The following TBC1D32 variants were observed in gnomAD, a reference collection of about 807,000 sequenced individuals.
TBC1D32 encodes the protein TBC1 domain family member 32, also known as protein broad-minded.
Under a neutral mutation model 170.3 loss-of-function variants are expected in TBC1D32, and 151 were observed. That is an observed-to-expected ratio of 0.89 (90% CI 0.78 to 1.01). The LOEUF (loss-of-function observed/expected upper bound fraction) is 1.01, where lower values mean the gene tolerates loss of function less well. Ranked by LOEUF, TBC1D32 falls within the 50% of genes least tolerant of loss-of-function variation. The pLI, the probability that TBC1D32 is intolerant of heterozygous loss-of-function variation, is 0.00. For synonymous variants in TBC1D32, 498 were observed against 488.0 expected (o/e 1.02, Z -0.27); for missense variants, 1,464 against 1,457.1 (o/e 1.00, Z -0.08).
At chr6:121,282,767 C>T (rs1803208912) in intron 13 of TBC1D32, among the ~76,000 whole-genome samples, 1 of 151,464 alleles carries the variant, frequency 6.6e-6, no homozygotes, top group South Asian at 2.1e-4. Flanking sequence ...CATGGTAAAC[C>T]AATATATAAA....
At chr6:121,220,973 T>C (rs1030013484) in intron 21 of TBC1D32, among the ~76,000 whole-genome samples, 2 of 149,330 alleles carry the variant, frequency 1.3e-5, no homozygotes, top group African/African-American at 4.9e-5. Context: ...AACAGCCTTA[T>C]ATTGGAAGAA....
chr6:121,310,832 G>A lies in TBC1D32; in HGVS notation c.511C>T (p.Gln171Ter). The change falls in exon 4 of 32, where the codon CAA (glutamine) becomes TAA (stop). Residue 171 changes from glutamine (Q) to a stop codon, truncating the protein, a stop_gained. Transcript: ENST00000398212. LOFTEE classifies it high-confidence loss of function. ...TCTAAAATCAATTGTAATTTTCCTT[G>A]ACAAAATTTGTAACTCTGTAACACA... ...SSLNQSYKFC[Q>*]GKLQLILDQL... is the part of the protein sequence containing the mutation. 1 of 1,585,160 alleles carries A rather than the reference G, an allele frequency of 6.3e-7. No individual in the cohort carries two copies. Among genetic ancestry groups the A allele is most frequent in the Non-Finnish European group, 8.6e-7 (1 of 1,159,328 alleles).
At chr6:121,143,880 G>A (rs1006041198) in intron 24 of TBC1D32, among the ~76,000 whole-genome samples, 2 of 151,832 alleles carry the variant, frequency 1.3e-5, no homozygotes, top group African/African-American at 4.8e-5. Context: ...AAATGAAGCT[G>A]GACATGCTTC....
intron 17 of TBC1D32, among the ~76,000 whole-genome samples, chr6:121,248,227 T>C (rs1486876443): frequency 6.6e-6 from 1 of 151,822 alleles, no homozygotes; most frequent in Non-Finnish European, 1.5e-5. Flanking sequence ...ATTTATAGTT[T>C]AACAAAATCA....
chr6:121,273,248 T>TA (rs2128429537), intron 15 of TBC1D32, among the ~76,000 whole-genome samples: 1 of 149,936 alleles, frequency 6.7e-6, no homozygotes, highest in East Asian at 2.0e-4. Context: ...CCCTAGAACT[T>TA]AAAGTATAAT....
intron 3 of TBC1D32, among the ~76,000 whole-genome samples, chr6:121,311,201 T>C (rs1468338705): frequency 6.6e-6 from 1 of 152,158 alleles, no homozygotes; most frequent in Non-Finnish European, 1.5e-5. Context: ...GAGCTACCAA[T>C]AGTACCCTAG....
intron 22 of TBC1D32, among the ~76,000 whole-genome samples, chr6:121,176,691 C>A (rs1243223202): frequency 1.3e-5 from 2 of 152,012 alleles, no homozygotes; most frequent in Non-Finnish European, 2.9e-5. Context: ...CTCCACCTCC[C>A]AGGTTTAAGC....
At chr6:121,258,224 T>C (rs1399183646) in intron 15 of TBC1D32, among the ~76,000 whole-genome samples, 1 of 152,190 alleles carries the variant, frequency 6.6e-6, no homozygotes, top group Admixed American at 6.5e-5. Context: ...AACAGCAATA[T>C]TACTTCTAAA....
Position 121,310,964 on chromosome 6 carries a change from T to C in TBC1D32, c.496-117A>G, listed in dbSNP as rs987349813. 6.0e-6 allele frequency: 4 copies of C among 661,478 alleles called. No individual in the cohort carries two copies. In the South Asian group the frequency reaches 7.7e-5, roughly 13 times the overall value. 41.0% of individuals were successfully genotyped at this position (661,478 alleles called of 1,614,324 possible). Reference sequence around the variant, plus strand: ...ACACAATCCAGACAAGAGAAGGAGATGATCTATTTTGATTTGGCAGCAACT... The same window carrying C: ...ACACAATCCAGACAAGAGAAGGAGACGATCTATTTTGATTTGGCAGCAACT... On this transcript the variant is annotated intron_variant, in intron 3 of 31. Coordinates refer to ENST00000398212, the MANE Select transcript of TBC1D32 (RefSeq NM_152730.6).
At chr6:121,271,003 A>T (rs1020258319) in intron 15 of TBC1D32, among the ~76,000 whole-genome samples, 5 of 152,212 alleles carry the variant, frequency 3.3e-5, no homozygotes, top group Admixed American at 1.3e-4. Context: ...AGAACCAAAG[A>T]CAAAAACCAC....
chr6:121,196,206 G>A (rs994881801), intron 22 of TBC1D32, among the ~76,000 whole-genome samples: 4 of 152,154 alleles, frequency 2.6e-5, no homozygotes, highest in Admixed American at 1.3e-4. Context: ...ATCACCCAAC[G>A]GGCCCATGAA....
chr6:121,119,288 T>C (rs1780020065), intron 26 of TBC1D32, among the ~76,000 whole-genome samples: 1 of 152,184 alleles, frequency 6.6e-6, no homozygotes, highest in African/African-American at 2.4e-5. Context: ...TAGGTATATG[T>C]CCTATTTTTC....
chr6:121,262,307 A>G (rs1799865425), intron 15 of TBC1D32, among the ~76,000 whole-genome samples: 1 of 152,132 alleles, frequency 6.6e-6, no homozygotes, highest in African/African-American at 2.4e-5. Context: ...GAGAAGATCA[A>G]CCACAAGACA....
At position 121,170,435 on chromosome 6, in the gene TBC1D32, T is replaced by C. The variant is rs539448632; in HGVS notation, c.2571-9379A>G. 8.3e-5 allele frequency: 133 copies of C among 1,605,980 alleles called. No individual in the cohort carries two copies. In the South Asian group the frequency reaches 1.4e-3, roughly 16 times the overall value. ...GCTCTCAGAAATCTCCAAGATATTTTCTTCTTGAGCATTTAGTAACATTTC... is the reference window on the plus strand; with the variant it reads ...GCTCTCAGAAATCTCCAAGATATTTCCTTCTTGAGCATTTAGTAACATTTC... On this transcript the variant is annotated intron_variant, in intron 22 of 31. Coordinates refer to ENST00000398212, the MANE Select transcript of TBC1D32 (RefSeq NM_152730.6).
chr6:121,134,199 T>G (rs527853945), intron 24 of TBC1D32, among the ~76,000 whole-genome samples: 8 of 152,258 alleles, frequency 5.3e-5, no homozygotes, highest in African/African-American at 1.9e-4. Context: ...TCCTCCTGTT[T>G]TCTTCTTCTA....
At position 121,281,523 on chromosome 6, in the gene TBC1D32, TC is replaced by T. The variant is rs764314696; in HGVS notation, c.1608+20del. 6.3e-7 allele frequency: 1 copy of T among 1,591,238 alleles called. No individual in the cohort carries two copies. Among genetic ancestry groups the T allele is most frequent in the Non-Finnish European group, 8.6e-7 (1 of 1,167,954 alleles). On this transcript the variant is annotated intron_variant, in intron 14 of 31. Transcript: ENST00000398212. Reference sequence around the variant, plus strand: ...ATACCCAGGTAAGAGACTCTTTTTCTCCTTAGTAAATAATACGAACCTCATT... The same window carrying T: ...ATACCCAGGTAAGAGACTCTTTTTCTCTTAGTAAATAATACGAACCTCATT...
chr6:121,120,895 T>C (rs1780185976), intron 26 of TBC1D32, among the ~76,000 whole-genome samples: 1 of 152,118 alleles, frequency 6.6e-6, no homozygotes, highest in East Asian at 1.9e-4. Flanking sequence ...CTTTTACCCC[T>C]TTCCCAGGTT....
chr6:121,281,898 A>G (rs1241991438), intron 13 of TBC1D32, among the ~76,000 whole-genome samples: 2 of 151,720 alleles, frequency 1.3e-5, no homozygotes, highest in African/African-American at 2.4e-5. Flanking sequence ...AGCAAATGAC[A>G]ACAAACATGA....
At chr6:121,221,195 A>T (rs533967737) in intron 21 of TBC1D32, among the ~76,000 whole-genome samples, 30 of 152,284 alleles carry the variant, frequency 2.0e-4, no homozygotes, top group African/African-American at 7.0e-4. Context: ...AAATAAAGTA[A>T]ATGACAGTAC....
Sources: allele counts gnomAD v4.1 joint callset (sites outside exome capture counted in the v4.1 genomes callset), GRCh38; gene constraint gnomAD v4.1.1; transcripts MANE v1.5; gene names NCBI Gene and HGNC (gene_info 2026-07-23, HGNC 2026-07-21).